Variants in TLCD5 observed in about 807,000 individuals in gnomAD.
The protein encoded by TLCD5 is TLC domain containing 5.
TLCD5 carries 15 observed loss-of-function variants against 20.5 expected under a neutral mutation model. The ratio of observed to expected loss-of-function variants is 0.73; its 90% CI spans 0.49 to 1.13. The LOEUF is 1.13. Among genes scored for constraint, TLCD5 ranks in the 50% most tolerant of loss-of-function variants. The pLI, the probability that TLCD5 is intolerant of heterozygous loss-of-function variation, is 0.00. For missense variants in TLCD5, 289 were observed against 305.6 expected (o/e 0.95, Z 0.41); for synonymous variants, 107 against 114.7 (o/e 0.93, Z 0.43).
intron 2 of TLCD5, among the ~76,000 whole-genome samples, chr11:120,328,140 G>A (rs1023843628): frequency 2.6e-5 from 4 of 151,652 alleles, no homozygotes; most frequent in African/African-American, 9.7e-5. Flanking sequence ...AGGCTGGGGT[G>A]CAGTGGCTCA....
chr11:120,329,027 T>TGTGTGTTTG (rs1942087246), intron 2 of TLCD5, among the ~76,000 whole-genome samples: 1 of 113,612 alleles, frequency 8.8e-6, no homozygotes, highest in African/African-American at 3.6e-5. Context: ...GTGTATGTGT[T>TGTGTGTTTG]TGTATATGTA....
At chr11:120,329,227 A>T (rs1377118257) in intron 2 of TLCD5, among the ~76,000 whole-genome samples, 5 of 152,144 alleles carry the variant, frequency 3.3e-5, no homozygotes, top group African/African-American at 4.8e-5. Context: ...AAATACACTC[A>T]CATTCTGAGG....
In TLCD5 at chr11:120,330,342, C is replaced by T; in HGVS notation, c.565C>T (p.Pro189Ser). 6.2e-7 allele frequency: 1 copy of T among 1,609,760 alleles called. No individual in the cohort carries two copies. The highest frequency in any genetic ancestry group is 8.5e-7 in the Non-Finnish European group (1 of 1,177,688). ...TTTCTGTGAAATGGTCTCCCCCACGCCTAAGTGGTTTGTGAAGGCTGGGGG... is the reference window on the plus strand; with the variant it reads ...TTTCTGTGAAATGGTCTCCCCCACGTCTAAGTGGTTTGTGAAGGCTGGGGG... ...LLFCEMVSPT[P>S]KWFVKAGGVA... Residue 189 changes from proline to serine, a missense_variant, in exon 3 of 3, where the codon CCT becomes TCT. Coordinates refer to ENST00000375095, the MANE Select transcript of TLCD5 (RefSeq NM_001198671.2).
chr11:120,326,463 G>A (rs566279160), intron 1 of TLCD5, among the ~76,000 whole-genome samples: 2 of 152,286 alleles, frequency 1.3e-5, no homozygotes, highest in Middle Eastern at 3.4e-3. Flanking sequence ...GTCAGAATAA[G>A]GTTAAGCAAT....
intron 2 of TLCD5, among the ~76,000 whole-genome samples, chr11:120,328,428 A>G (rs1197830664): frequency 6.6e-6 from 1 of 152,188 alleles, no homozygotes; most frequent in African/African-American, 2.4e-5. Context: ...TGGGGCTGCC[A>G]TAACACAGTA....
At chr11:120,329,278 G>A (rs797005883) in intron 2 of TLCD5, among the ~76,000 whole-genome samples, 10 of 152,208 alleles carry the variant, frequency 6.6e-5, no homozygotes, top group African/African-American at 2.2e-4. Context: ...TGGGGAGGGA[G>A]GACACAATGC....
intron 2 of TLCD5, among the ~76,000 whole-genome samples, chr11:120,329,624 TAA>T (rs200924107): frequency 1.4e-5 from 2 of 145,052 alleles, no homozygotes; most frequent in Non-Finnish European, 1.5e-5. Context: ...TTTAGCAGAG[TAA>T]AAAAAAAAAA....
intron 1 of TLCD5, 138 bp from the exon 2 acceptor site, chr11:120,327,303 T>C: frequency 1.4e-6 from 2 of 1,427,350 alleles, no homozygotes; most frequent in South Asian, 1.3e-5. Context: ...TTCTTGGCCG[T>C]GTAGATAAGG....
rs776615356 is a variant in TLCD5, at chr11:120,329,986, A to G, written c.209A>G (p.Asn70Ser). 2.6e-5 allele frequency: 42 copies of G among 1,613,112 alleles called. No individual in the cohort carries two copies. In the South Asian group the frequency reaches 3.9e-4, roughly 15 times the overall value. ...TCTTGGTTTGTTTCAGGCTCACCCA[A>G]TACACCTCTCCAAGTTCATGTCCTG... ...PWPFTHPGSP[N>S]TPLQVHVLCL... Residue 70 changes from asparagine (N) to serine (S), a missense_variant, in exon 3 of 3, where the codon AAT becomes AGT. Transcript: ENST00000375095.
Position 120,328,091 on chromosome 11 carries a change from A to T in TLCD5, c.199+451A>T, listed in dbSNP as rs533300447. The stretch of plus-strand genomic sequence containing the variant: ...CAAGTGTTACTTTCAGAAGTATGCA[A>T]TTTTTTTTTTTTTGAGATGGAGTCT... On this transcript the variant is annotated intron_variant, in intron 2 of 2. Coordinates refer to ENST00000375095, the MANE Select transcript of TLCD5 (RefSeq NM_001198671.2). Among the ~76,000 whole-genome samples the T allele has an allele frequency of 4.8e-5, 7 of 145,642 alleles. No homozygotes were observed. In the South Asian group the frequency reaches 1.5e-3, roughly 32 times the overall value.
rs1942157512 is a variant in TLCD5 at position 120,331,729 on chromosome 11, A to T, written c.*1214A>T. On this transcript the variant is annotated 3_prime_UTR_variant, in exon 3 of 3. Coordinates refer to ENST00000375095, the MANE Select transcript of TLCD5 (RefSeq NM_001198671.2). This position sits in a 1 kb window ranked among gnomAD's most constrained non-coding sequence, Gnocchi z 4.5. ...GTGGGTAGATTTACTGAGTCCTGTT[A>T]TATGGGTTCTGCCCTACCAGGAAAA... 1 of 152,246 alleles carries T rather than the reference A, an allele frequency of 6.6e-6. No individual in the cohort carries two copies. The highest frequency in any genetic ancestry group is 1.5e-5 in the Non-Finnish European group (1 of 68,050). 9.4% of individuals were successfully genotyped at this position (152,246 alleles called of 1,614,324 possible). A position where few individuals can be genotyped will look rare whatever the true frequency, so the allele number is the denominator to read the frequency against.
intron 2 of TLCD5, among the ~76,000 whole-genome samples, chr11:120,329,019 G>A (rs1157383180): frequency 3.4e-5 from 5 of 148,586 alleles, no homozygotes; most frequent in African/African-American, 1.2e-4. Flanking sequence ...GTGTGTGTGT[G>A]TATGTGTTTG....
intron 2 of TLCD5, among the ~76,000 whole-genome samples, chr11:120,328,677 T>TTGTGTGTGTG (rs1565399900): frequency 7.6e-5 from 7 of 91,768 alleles, no homozygotes; most frequent in African/African-American, 3.5e-4. Flanking sequence ...ATAACAGTCA[T>TTGTGTGTGTG]AGTGTGTGTG....
At position 120,330,032 on chromosome 11, in the gene TLCD5, C is replaced by G. The variant is rs1002056968; in HGVS notation, c.255C>G (p.Phe85Leu). 1 of 1,614,200 alleles carries G rather than the reference C, an allele frequency of 6.2e-7. No individual in the cohort carries two copies. Among genetic ancestry groups the G allele is most frequent in the South Asian group, 1.1e-5 (1 of 91,076 alleles). ...VHVLCLTLGY[F>L]IFDLGWCVYF... ...TCCTGTGTCTCACCTTGGGCTACTT[C>G]ATCTTCGACTTGGGCTGGTGCGTCT... Residue 85 changes from phenylalanine (F) to leucine (L), a missense_variant, in exon 3 of 3, where the codon TTC becomes TTG. By Grantham distance (22) the Phe-to-Leu change is conservative. Transcript: ENST00000375095.
At chr11:120,327,031 G>A (rs1310822991) in intron 1 of TLCD5, 1 of 263,848 alleles carries the variant, frequency 3.8e-6, no homozygotes, top group East Asian at 9.4e-5. Flanking sequence ...GCAGTGTTCT[G>A]TTTTTTCATG....
intron 1 of TLCD5, among the ~76,000 whole-genome samples, chr11:120,326,914 G>C (rs1012541933): frequency 6.6e-6 from 1 of 152,134 alleles, no homozygotes; most frequent in African/African-American, 2.4e-5. Flanking sequence ...TTTTGTTTTT[G>C]ACTGATGAAC....
rs753718868 is a variant in TLCD5, at chr11:120,330,388, C to T, written c.611C>T (p.Ser204Phe). ...GGGGGAGTAGCGATGTATGCTGTGTCTTGGTGTTTCATGTTTAGCATCTGG... is the reference window on the plus strand; with the variant it reads ...GGGGGAGTAGCGATGTATGCTGTGTTTTGGTGTTTCATGTTTAGCATCTGG... Reference protein sequence around the residue: ...KAGGVAMYAVSWCFMFSIWRF... With the variant: ...KAGGVAMYAVFWCFMFSIWRF... The change falls in exon 3 of 3, where the codon TCT (serine) becomes TTT (phenylalanine). Residue 204 changes from serine (S) to phenylalanine (F), a missense_variant. Ser to Phe is a radical substitution (Grantham distance 155). Coordinates refer to ENST00000375095, the MANE Select transcript of TLCD5 (RefSeq NM_001198671.2). The T allele has an allele frequency of 1.4e-5, 23 of 1,613,974 alleles. No homozygotes were observed. The highest frequency in any genetic ancestry group is 1.4e-5 in the Non-Finnish European group (17 of 1,180,024).
In TLCD5 at chr11:120,330,035, C is replaced by G. The variant is rs1422983881; in HGVS notation, c.258C>G (p.Ile86Met). 6.2e-7 allele frequency: 1 copy of G among 1,614,078 alleles called. No homozygotes were observed. Among genetic ancestry groups the G allele is most frequent in the African/African-American group, 1.3e-5 (1 of 74,932 alleles). ...TGTGTCTCACCTTGGGCTACTTCAT[C>G]TTCGACTTGGGCTGGTGCGTCTACT... ...HVLCLTLGYF[I>M]FDLGWCVYFQ... Residue 86 changes from isoleucine (I) to methionine (M), a missense_variant, in exon 3 of 3, where the codon ATC becomes ATG. By Grantham distance (10) the Ile-to-Met change is conservative. Coordinates refer to ENST00000375095, the MANE Select transcript of TLCD5 (RefSeq NM_001198671.2).
chr11:120,327,204 T>C, intron 1 of TLCD5: 1 of 660,302 alleles, frequency 1.5e-6, no homozygotes. Context: ...GTGCAGTTCC[T>C]GGTTTCCAGT....
Sources: gnomAD v4.1 joint callset for allele counts (sites outside exome capture counted in the v4.1 genomes callset) on GRCh38, gnomAD v4.1.1 for gene constraint, Gnocchi (gnomAD v3.1) non-coding constraint, MANE v1.5 for transcripts, NCBI Gene and HGNC (gene_info 2026-07-23, HGNC 2026-07-21) for gene names.